Variants in PRIMPOL observed in about 807,000 individuals in gnomAD.
PRIMPOL encodes DNA-directed primase/polymerase protein.
PRIMPOL carries 54 observed loss-of-function variants against 63.6 expected under a neutral mutation model. The observed-to-expected ratio is 0.85, with a 90% CI of 0.68 to 1.07. The LOEUF (loss-of-function observed/expected upper bound fraction) is 1.07. PRIMPOL is among the 50% of genes least tolerant of loss of function. The probability of loss-of-function intolerance (pLI) is 0.00; values close to 1 mark genes in which losing one functional copy is unlikely to be tolerated. For missense variants in PRIMPOL, 610 were observed against 648.3 expected (o/e 0.94, Z 0.64); for synonymous variants, 197 against 220.2 (o/e 0.89, Z 0.93).
intron 3 of PRIMPOL, among the ~76,000 whole-genome samples, chr4:184,658,936 CA>C (rs1324691316): frequency 6.7e-6 from 1 of 148,386 alleles, no homozygotes; most frequent in Non-Finnish European, 1.5e-5. Flanking sequence ...CTCCTACATA[CA>C]TTTTTTTATG....
intron 5 of PRIMPOL, among the ~76,000 whole-genome samples, chr4:184,662,489 T>C (rs990733024): frequency 1.2e-4 from 19 of 152,188 alleles, no homozygotes; most frequent in Non-Finnish European, 2.5e-4. Context: ...TTATTTTTGA[T>C]TTAGCTGTGT....
chr4:184,664,016 A>G (rs1399852149), intron 5 of PRIMPOL, among the ~76,000 whole-genome samples: 1 of 152,246 alleles, frequency 6.6e-6, no homozygotes, highest in East Asian at 1.9e-4. Context: ...CCTTCTCCAC[A>G]GTTAGAATGA....
rs1046979112 is a variant in PRIMPOL, at chr4:184,678,263, A to G, written c.876A>G (p.Leu292=). ...ATACAAGAAATAGAAACTTTCGGCTATATAAATCATCAAAAATTGGAAAGC... is the reference window on the plus strand; with the variant it reads ...ATACAAGAAATAGAAACTTTCGGCTGTATAAATCATCAAAAATTGGAAAGC... ...GVYTRNRNFR[L]YKSSKIGKRV... is the part of the protein sequence containing the mutation. The change falls in exon 8 of 14, where the codon CTA becomes CTG. Residue 292 remains leucine (L), a synonymous_variant. Transcript: ENST00000314970. 2 of 1,598,206 alleles carry G rather than the reference A, an allele frequency of 1.3e-6. No individual in the cohort carries two copies. The highest frequency in any genetic ancestry group is 1.3e-5 in the African/African-American group (1 of 74,144).
In PRIMPOL at chr4:184,679,589, C is replaced by T. The variant is rs61127153; in HGVS notation, c.1007+1195C>T. ...AACTTTAAATAATGTGTGATGAATC[C>T]AGTTGTTTTTCTCATCCATGTTAGA... On this transcript the variant is annotated intron_variant, in intron 8 of 13. Coordinates refer to ENST00000314970, the MANE Select transcript of PRIMPOL (RefSeq NM_152683.4). 7.2e-3 allele frequency among the ~76,000 whole-genome samples: 1,102 copies of T among 152,126 alleles called. 14 individuals are homozygous for T. Among genetic ancestry groups the T allele is most frequent in the African/African-American group, 0.025 (1,045 of 41,492 alleles).
At chr4:184,673,019 C>G (rs1415517818) in intron 7 of PRIMPOL, among the ~76,000 whole-genome samples, 2 of 152,156 alleles carry the variant, frequency 1.3e-5, no homozygotes, top group African/African-American at 4.8e-5. Flanking sequence ...GATTCAACAA[C>G]AGGCCAATCG....
chr4:184,672,089 T>G, intron 6 of PRIMPOL, 84 bp from the exon 7 acceptor site: 1 of 1,258,032 alleles, frequency 7.9e-7, no homozygotes, highest in Non-Finnish European at 1.1e-6. Flanking sequence ...CTGTGTAAAA[T>G]TGTCATATGT....
intron 8 of PRIMPOL, 138 bp from the exon 9 acceptor site, chr4:184,682,099 CAAATGTGGCAT>C: frequency 2.0e-6 from 1 of 497,908 alleles, no homozygotes; most frequent in Non-Finnish European, 3.7e-6. Context: ...GTTTTGTGGG[CAAATGTGGCAT>C]AAATGTCCTA....
Position 184,694,575 on chromosome 4 carries a change from G to A in PRIMPOL, c.1479G>A (p.Gln493=). The stretch of plus-strand genomic sequence containing the variant: ...ATGAAACTAGGAGCAATGAAACCCA[G>A]AATCCTCATAAACCATCACCTAGCA... ...EADETRSNET[Q]NPHKPSPSRL... Residue 493 remains glutamine (Q), a synonymous_variant, in exon 14 of 14, where the codon CAG becomes CAA. Coordinates refer to ENST00000314970, the MANE Select transcript of PRIMPOL (RefSeq NM_152683.4). 1 of 1,614,120 alleles carries A rather than the reference G, an allele frequency of 6.2e-7. No individual in the cohort carries two copies.
intron 9 of PRIMPOL, among the ~76,000 whole-genome samples, chr4:184,682,812 G>A (rs936115049): frequency 2.0e-5 from 3 of 152,126 alleles, no homozygotes; most frequent in Non-Finnish European, 4.4e-5. Context: ...CACTTTGGGA[G>A]GCTGAGGCGG....
intron 6 of PRIMPOL, among the ~76,000 whole-genome samples, chr4:184,666,853 C>T (rs548859003): frequency 6.6e-6 from 1 of 152,324 alleles, no homozygotes; most frequent in East Asian, 1.9e-4. Flanking sequence ...GATTATTTAT[C>T]TCAGGCCTGG....
At chr4:184,686,751 G>C (rs1757070522) in intron 11 of PRIMPOL, among the ~76,000 whole-genome samples, 1 of 151,968 alleles carries the variant, frequency 6.6e-6, no homozygotes. Flanking sequence ...GCTCTTGCTG[G>C]GAAGCTGGAA....
At chr4:184,671,948 A>C (rs11721363) in intron 6 of PRIMPOL, among the ~76,000 whole-genome samples, 1 of 151,458 alleles carries the variant, frequency 6.6e-6, no homozygotes, top group Non-Finnish European at 1.5e-5. Context: ...CACCGTGTTA[A>C]CCAGGATGGT....
chr4:184,653,213 A>G lies in PRIMPOL; in HGVS notation c.-60+1113A>G, dbSNP rs73873008. Among the ~76,000 whole-genome samples the G allele has an allele frequency of 8.2e-3, 1,243 of 151,944 alleles. 18 individuals are homozygous for G. The highest frequency in any genetic ancestry group is 0.028 in the African/African-American group (1,180 of 41,430). ...TCCCCCCAGAAACTGGTAAATAGGA[A>G]GCATGTGCCCCCTCCTTCAGCTGCT... On this transcript the variant is annotated intron_variant, in intron 2 of 13. Coordinates refer to ENST00000314970, the MANE Select transcript of PRIMPOL (RefSeq NM_152683.4).
chr4:184,688,695 C>A (rs1757643086), intron 11 of PRIMPOL, among the ~76,000 whole-genome samples: 1 of 152,218 alleles, frequency 6.6e-6, no homozygotes, highest in African/African-American at 2.4e-5. Context: ...GGTGACATTT[C>A]CGGAAAGCAT....
At chr4:184,679,748 T>G (rs1755103135) in intron 8 of PRIMPOL, among the ~76,000 whole-genome samples, 1 of 152,110 alleles carries the variant, frequency 6.6e-6, no homozygotes, top group African/African-American at 2.4e-5. Flanking sequence ...AGATCTGCAG[T>G]GGCATTAGAT....
chr4:184,675,277 C>T (rs892338309), intron 7 of PRIMPOL, among the ~76,000 whole-genome samples: 9 of 152,166 alleles, frequency 5.9e-5, no homozygotes, highest in African/African-American at 2.2e-4. Context: ...CTGCAAATGG[C>T]ATCATGTACA....
intron 2 of PRIMPOL, among the ~76,000 whole-genome samples, chr4:184,656,827 T>C (rs374409892): frequency 5.3e-5 from 8 of 152,226 alleles, no homozygotes; most frequent in African/African-American, 1.4e-4. Context: ...CAAGATGATA[T>C]TGATTCCCAT....
rs1265727163 is a variant in PRIMPOL at position 184,694,595 on chromosome 4, C to A, written c.1499C>A (p.Pro500His). Residue 500 changes from proline to histidine, a missense_variant, in exon 14 of 14, where the codon CCT (proline) becomes CAT (histidine). Pro to His is a moderately conservative substitution (Grantham distance 77). Coordinates refer to ENST00000314970, the MANE Select transcript of PRIMPOL (RefSeq NM_152683.4). The part of the protein sequence containing the change: ...NETQNPHKPS[P>H]SRLSTGASAD... ...ACCCAGAATCCTCATAAACCATCAC[C>A]TAGCAGGCTGTCAACAGGTGCATCT... is the stretch of plus-strand genomic sequence containing the variant. 2 of 1,614,134 alleles carry A rather than the reference C, an allele frequency of 1.2e-6. No homozygotes were observed. The highest frequency in any genetic ancestry group is 2.2e-5 in the East Asian group (1 of 44,886).
intron 8 of PRIMPOL, among the ~76,000 whole-genome samples, chr4:184,679,882 C>T (rs1296299153): frequency 6.6e-6 from 1 of 152,198 alleles, no homozygotes; most frequent in Non-Finnish European, 1.5e-5. Context: ...ACCAGCCCAC[C>T]TTGCCCCTGC....
Sources: gnomAD v4.1 joint callset for allele counts (sites outside exome capture counted in the v4.1 genomes callset) on GRCh38, gnomAD v4.1.1 for gene constraint, MANE v1.5 for transcripts, NCBI Gene and HGNC (gene_info 2026-07-23, HGNC 2026-07-21) for gene names.